The following RASA1 variants were observed in gnomAD, a reference collection of about 807,000 sequenced individuals.
RASA1 encodes the protein ras GTPase-activating protein 1.
Under a neutral mutation model 132.2 loss-of-function variants are expected in RASA1, and 25 were observed. That is an observed-to-expected ratio of 0.19 (90% CI 0.14 to 0.26). RASA1 has a LOEUF of 0.26. Ranked by LOEUF, RASA1 falls within the 10% of genes least tolerant of loss-of-function variation. The pLI is 1.00. For synonymous variants in RASA1, 477 were observed against 449.9 expected, an observed-to-expected ratio of 1.06 and a Z score of -0.76; for missense variants, 964 against 1,299.2, an observed-to-expected ratio of 0.74 and a Z score of 3.97.
intron 1 of RASA1, among the ~76,000 whole-genome samples, chr5:87,279,272 T>G (rs1317006220): frequency 6.6e-6 from 1 of 152,172 alleles, no homozygotes; most frequent in Admixed American, 6.5e-5. Context: ...TGTAACCTTT[T>G]GGGATTGGCA....
intron 2 of RASA1, among the ~76,000 whole-genome samples, chr5:87,331,779 G>C (rs1476961614): frequency 6.6e-6 from 1 of 151,960 alleles, no homozygotes; most frequent in Non-Finnish European, 1.5e-5. Flanking sequence ...GAGTGGTAAG[G>C]CTAAAATAAA....
rs13157168 is a variant in RASA1, at chr5:87,331,321, G to A, written c.540-27G>A. 47,531 of 1,572,704 alleles carry A rather than the reference G, an allele frequency of 0.03. 909 individuals are homozygous for A. Among genetic ancestry groups the A allele is most frequent in the Non-Finnish European group, 0.037 (42,557 of 1,142,872 alleles). On this transcript the variant is annotated intron_variant, in intron 1 of 24. Transcript: ENST00000274376. ...AAATTCTGCACTTGCTATTTATATT[G>A]TAATATCTTCTCTGTTTTTCCCCTA...
intron 1 of RASA1, among the ~76,000 whole-genome samples, chr5:87,298,808 T>A: frequency 6.6e-6 from 1 of 152,150 alleles, no homozygotes. Context: ...AAGAAAGCAG[T>A]TTTGAACAAA....
chr5:87,295,799 A>G (rs1218019317), intron 1 of RASA1, among the ~76,000 whole-genome samples: 3 of 149,930 alleles, frequency 2.0e-5, no homozygotes, highest in Non-Finnish European at 4.4e-5. Context: ...GGCATGAGCC[A>G]CCACGCCTGT....
chr5:87,286,672 A>C (rs1180118241), intron 1 of RASA1, among the ~76,000 whole-genome samples: 1 of 151,920 alleles, frequency 6.6e-6, no homozygotes, highest in African/African-American at 2.4e-5. Flanking sequence ...TTCAGTAGAC[A>C]AATTTTATAC....
At position 87,268,094 on chromosome 5, in the gene RASA1, T is replaced by C. The variant is rs1179414990; in HGVS notation, c.-358T>C. 1 of 411,310 alleles carries C rather than the reference T, an allele frequency of 2.4e-6. No individual in the cohort carries two copies. The highest frequency in any genetic ancestry group is 3.5e-5 in the East Asian group (1 of 28,474). 25.5% of individuals were successfully genotyped at this position (411,310 alleles called of 1,614,324 possible). A position where few individuals can be genotyped will look rare whatever the true frequency, so the allele number is the denominator to read the frequency against. On this transcript the variant is annotated 5_prime_UTR_variant, in exon 1 of 25. Coordinates refer to ENST00000274376, the MANE Select transcript of RASA1 (RefSeq NM_002890.3). ...GCGGTGGTGGCGGCTGAAGGAGCGGTAGCAGCCTCAGCCTCTTTCCCTGTG... is the reference window on the plus strand; with the variant it reads ...GCGGTGGTGGCGGCTGAAGGAGCGGCAGCAGCCTCAGCCTCTTTCCCTGTG...
intron 13 of RASA1, among the ~76,000 whole-genome samples, chr5:87,373,621 G>A (rs1424271071): frequency 1.3e-5 from 2 of 152,102 alleles, no homozygotes; most frequent in Non-Finnish European, 2.9e-5. Flanking sequence ...GATACTAGAA[G>A]GTGGATGGTC....
Position 87,377,040 on chromosome 5 carries a change from G to A in RASA1, c.2344G>A (p.Asp782Asn). Residue 782 changes from aspartate (D) to asparagine (N), a missense_variant and splice_region_variant, in exon 17 of 25, where the codon GAT becomes AAT. Around this residue, in one of 6 missense-constraint regions of RASA1, gnomAD observed 346 missense variants for 520.1 expected, o/e 0.67. Coordinates refer to ENST00000274376, the MANE Select transcript of RASA1 (RefSeq NM_002890.3). ...AAATGACAGAGAAATAAGCATGGAAGGTATGGTATGGCCATGTTAGTGTGA... is the reference window on the plus strand; with the variant it reads ...AAATGACAGAGAAATAAGCATGGAAAGTATGGTATGGCCATGTTAGTGTGA... ...TLNDREISMEDEATTLFRATT... is the reference protein window; with the variant it reads ...TLNDREISMENEATTLFRATT... 1.2e-6 allele frequency: 2 copies of A among 1,612,728 alleles called. No homozygotes were observed. Among genetic ancestry groups the A allele is most frequent in the Non-Finnish European group, 1.7e-6 (2 of 1,178,994 alleles).
intron 15 of RASA1, 70 bp downstream of exon 15, chr5:87,374,986 A>C: frequency 6.5e-7 from 1 of 1,531,674 alleles, no homozygotes; most frequent in Non-Finnish European, 8.7e-7. Context: ...TCACAATGAA[A>C]GTCTTAAAAT....
chr5:87,307,245 G>T (rs1437709613), intron 1 of RASA1, among the ~76,000 whole-genome samples: 1 of 151,936 alleles, frequency 6.6e-6, no homozygotes, highest in Non-Finnish European at 1.5e-5. Context: ...TCTGCATTAC[G>T]GTTTGACAGG....
At position 87,344,678 on chromosome 5, in the gene RASA1, A is replaced by ATT. The variant is rs113174684; in HGVS notation, c.1050-1974_1050-1973dup. Among the ~76,000 whole-genome samples, 113 of 131,204 alleles carry ATT rather than the reference A, an allele frequency of 8.6e-4. 1 individual carries two copies. Among genetic ancestry groups the ATT allele is most frequent in the Middle Eastern group, 4.1e-3 (1 of 242 alleles). The allele number at this position is 131,204 out of a possible 152,430, so 86.1% of individuals were successfully genotyped here. On this transcript the variant is annotated intron_variant, in intron 6 of 24. Coordinates refer to ENST00000274376, the MANE Select transcript of RASA1 (RefSeq NM_002890.3). ...ACCACCACACCTGGCAAATGTTGTA[A>ATT]TTTTTTTTTTTTTTTTTTTTTGTAA... is the stretch of plus-strand genomic sequence containing the variant.
rs550850577 is a variant in RASA1, at chr5:87,353,075, T to A, written c.1254-82T>A. Reference sequence around the variant, plus strand: ...AAAAAATTTGCTAATTAGATAATCCTTGGCAAGAAAGTTTACACATATTTT... The same window carrying A: ...AAAAAATTTGCTAATTAGATAATCCATGGCAAGAAAGTTTACACATATTTT... On this transcript the variant is annotated intron_variant, in intron 8 of 24. Coordinates refer to ENST00000274376, the MANE Select transcript of RASA1 (RefSeq NM_002890.3). The A allele has an allele frequency of 5.3e-6, 6 of 1,129,018 alleles. No individual in the cohort carries two copies. The South Asian group carries it at 7.9e-5, about 15-fold the overall frequency. The allele number at this position is 1,129,018 out of a possible 1,614,324, so 69.9% of individuals were successfully genotyped here. A position where few individuals can be genotyped will look rare whatever the true frequency, so the allele number is the denominator to read the frequency against.
chr5:87,279,618 C>G (rs1754223359), intron 1 of RASA1, among the ~76,000 whole-genome samples: 1 of 152,160 alleles, frequency 6.6e-6, no homozygotes, highest in South Asian at 2.1e-4. Context: ...TACATTCTCA[C>G]CAGCAATGTG....
At chr5:87,352,262 A>G (rs995046084) in intron 8 of RASA1, among the ~76,000 whole-genome samples, 1 of 151,512 alleles carries the variant, frequency 6.6e-6, no homozygotes, top group African/African-American at 2.4e-5. Flanking sequence ...TATTTGGTTT[A>G]AATTAACTTT....
chr5:87,304,062 T>C (rs1755498981), intron 1 of RASA1, among the ~76,000 whole-genome samples: 1 of 152,158 alleles, frequency 6.6e-6, no homozygotes. Flanking sequence ...GTCAAACTCC[T>C]GACCTCTGGT....
rs752084710 is a variant in RASA1, at chr5:87,268,529, C to T, written c.78C>T (p.Gly26=). 11 of 1,590,692 alleles carry T rather than the reference C, an allele frequency of 6.9e-6. No homozygotes were observed. The East Asian group carries it at 2.0e-4, about 30-fold the overall frequency. Residue 26 remains glycine, a synonymous_variant, in exon 1 of 25, where the codon GGC becomes GGT. Coordinates refer to ENST00000274376, the MANE Select transcript of RASA1 (RefSeq NM_002890.3). The part of the protein sequence containing the change: ...AGAGGGGAAA[G]SSAYPAVCRV... ...CTGGAGGAGGCGGCGCGGCAGCGGG[C>T]TCCAGTGCCTATCCCGCAGTGTGTC...
Position 87,374,858 on chromosome 5 carries a change from C to T in RASA1, c.1953C>T (p.Ile651=). The T allele has an allele frequency of 6.2e-7, 1 of 1,608,154 alleles. No homozygotes were observed. The highest frequency in any genetic ancestry group is 8.5e-7 in the Non-Finnish European group (1 of 1,176,940). The stretch of plus-strand genomic sequence containing the variant: ...CCTTTAGTGATCTTCCTCCTGACAT[C>T]AATAGATTTGAAATAACTCTTAGTA... ...EFVFDDLPPD[I]NRFEITLSNK... is the part of the protein sequence containing the mutation. The change falls in exon 15 of 25, where the codon ATC becomes ATT. Residue 651 remains isoleucine (I), a synonymous_variant. Coordinates refer to ENST00000274376, the MANE Select transcript of RASA1 (RefSeq NM_002890.3).
chr5:87,317,291 T>C (rs1756417150), intron 1 of RASA1, among the ~76,000 whole-genome samples: 1 of 152,192 alleles, frequency 6.6e-6, no homozygotes. Context: ...CCTTAGCTGC[T>C]CTGCTTTGCC....
At chr5:87,336,558 G>A (rs1437566987) in intron 4 of RASA1, among the ~76,000 whole-genome samples, 1 of 152,006 alleles carries the variant, frequency 6.6e-6, no homozygotes, top group Non-Finnish European at 1.5e-5. Context: ...AAATAATATA[G>A]AATGAGTTAT....
Sources: gnomAD v4.1 joint callset for allele counts (sites outside exome capture counted in the v4.1 genomes callset) on GRCh38, gnomAD v4.1.1 for gene constraint, gnomAD v4.1.1 regional missense constraint, MANE v1.5 for transcripts, NCBI Gene and HGNC (gene_info 2026-07-23, HGNC 2026-07-21) for gene names.